The following SUSD4 variants were observed in gnomAD, a reference collection of about 807,000 sequenced individuals.
SUSD4 encodes the protein sushi domain containing 4.
A neutral mutation model predicts 50.5 loss-of-function variants in SUSD4; 41 were observed. The observed-to-expected ratio is 0.81, with a 90% CI of 0.63 to 1.05. The LOEUF is 1.05. Among genes scored for constraint, SUSD4 ranks in the 50% least tolerant of loss-of-function variants. SUSD4 has a pLI of 0.00. For missense variants in SUSD4, 580 were observed against 634.7 expected (o/e 0.91, Z 0.93); for synonymous variants, 257 against 257.3 (o/e 1.00, Z 0.01).
At chr1:223,270,051 G>C (rs958371752) in intron 3 of SUSD4, among the ~76,000 whole-genome samples, 2 of 152,112 alleles carry the variant, frequency 1.3e-5, no homozygotes, top group Non-Finnish European at 2.9e-5. Flanking sequence ...GGTTTACTGG[G>C]AGAAATGGGA....
At chr1:223,287,580 T>C (rs1458290934) in intron 3 of SUSD4, among the ~76,000 whole-genome samples, 1 of 152,142 alleles carries the variant, frequency 6.6e-6, no homozygotes. Flanking sequence ...GACCTTATGC[T>C]GGGATTAAGA....
intron 2 of SUSD4, among the ~76,000 whole-genome samples, chr1:223,335,278 G>A (rs1667397073): frequency 6.6e-6 from 1 of 152,102 alleles, no homozygotes; most frequent in African/African-American, 2.4e-5. Flanking sequence ...TCTACTTTTA[G>A]TTCTTTAAGG....
chr1:223,248,820 G>T (rs1392230059), intron 5 of SUSD4, among the ~76,000 whole-genome samples: 1 of 152,002 alleles, frequency 6.6e-6, no homozygotes, highest in Non-Finnish European at 1.5e-5. Flanking sequence ...AATACAAAAT[G>T]CATGTGATGA....
intron 2 of SUSD4, among the ~76,000 whole-genome samples, chr1:223,341,294 C>A (rs1667741706): frequency 6.6e-6 from 1 of 152,202 alleles, no homozygotes. Flanking sequence ...CTGCAATTAG[C>A]AAGCTGGATC....
intron 5 of SUSD4, 131 bp downstream of exon 5, chr1:223,264,499 G>T: frequency 1.4e-6 from 2 of 1,437,174 alleles, no homozygotes; most frequent in Non-Finnish European, 1.8e-6. Flanking sequence ...CTGCTCTGGA[G>T]AAAAGTGAGA....
At chr1:223,268,428 A>G (rs1189536974) in intron 4 of SUSD4, 74 bp downstream of exon 4, 1 of 1,501,458 alleles carries the variant, frequency 6.7e-7, no homozygotes, top group East Asian at 2.4e-5. Flanking sequence ...TTTATTAGAT[A>G]AACATGTACA....
intron 2 of SUSD4, among the ~76,000 whole-genome samples, chr1:223,307,365 G>A (rs1000028553): frequency 6.6e-6 from 1 of 152,126 alleles, no homozygotes; most frequent in Non-Finnish European, 1.5e-5. Flanking sequence ...TTTACAATGC[G>A]TTTTACATAT....
chr1:223,339,364 G>GA (rs1399540550), intron 2 of SUSD4, among the ~76,000 whole-genome samples: 2 of 152,150 alleles, frequency 1.3e-5, no homozygotes, highest in Non-Finnish European at 1.5e-5. Flanking sequence ...GTGGAGGGAG[G>GA]AAAATGTCAG....
rs549074203 is a variant in SUSD4, at chr1:223,229,146, G to C, written c.916+51C>G. The C allele has an allele frequency of 1.4e-5, 21 of 1,532,712 alleles. No individual in the cohort carries two copies. The African/African-American group carries it at 2.2e-4, about 16-fold the overall frequency. 94.9% of individuals were successfully genotyped at this position (1,532,712 alleles called of 1,614,324 possible). A position where few individuals can be genotyped will look rare whatever the true frequency, so the allele number is the denominator to read the frequency against. ...ACATAACCACCACCCACTATGTGCA[G>C]ATGGTCCAAGGAGGGTCCATCTCCT... On this transcript the variant is annotated intron_variant, in intron 6 of 8. Coordinates refer to ENST00000366878, the MANE Select transcript of SUSD4 (RefSeq NM_017982.4). This position sits in a 1 kb window ranked among gnomAD's most constrained non-coding sequence, Gnocchi z 4.7.
chr1:223,345,911 C>T (rs1315024910), intron 2 of SUSD4, among the ~76,000 whole-genome samples: 1 of 152,148 alleles, frequency 6.6e-6, no homozygotes, highest in Admixed American at 6.5e-5. Flanking sequence ...GTACCTCCTC[C>T]GGGCCTTCAG....
At chr1:223,249,386 T>C (rs1186571168) in intron 5 of SUSD4, among the ~76,000 whole-genome samples, 1 of 152,242 alleles carries the variant, frequency 6.6e-6, no homozygotes, top group Non-Finnish European at 1.5e-5. Context: ...TAAATGTTGC[T>C]AGTGTATCCA....
At position 223,221,000 on chromosome 1, in the gene SUSD4, A is replaced by G. The variant is rs771141202; in HGVS notation, c.*1192T>C. On this transcript the variant is annotated 3_prime_UTR_variant, in exon 9 of 9. Transcript: ENST00000366878. Reference sequence around the variant, plus strand: ...AACTCCACAGATCAACATGTATTTGAAGAGACACTTCAGGACACTTTGGGA... The same window carrying G: ...AACTCCACAGATCAACATGTATTTGGAGAGACACTTCAGGACACTTTGGGA... 2.5e-6 allele frequency: 1 copy of G among 400,712 alleles called. No homozygotes were observed. Among genetic ancestry groups the G allele is most frequent in the African/African-American group, 2.1e-5 (1 of 48,712 alleles). 24.8% of individuals were successfully genotyped at this position (400,712 alleles called of 1,614,324 possible). A position where few individuals can be genotyped will look rare whatever the true frequency, so the allele number is the denominator to read the frequency against.
rs1022293517 is a variant in SUSD4 at position 223,229,080 on chromosome 1, T to C, written c.916+117A>G. Reference sequence around the variant, plus strand: ...CCCGCAATGATATGTTTCGATATCCTGTTCCTGACACTGGGTGGGGGAGGA... The same window carrying C: ...CCCGCAATGATATGTTTCGATATCCCGTTCCTGACACTGGGTGGGGGAGGA... On this transcript the variant is annotated intron_variant, in intron 6 of 8. Coordinates refer to ENST00000366878, the MANE Select transcript of SUSD4 (RefSeq NM_017982.4). The surrounding 1 kb of genome is among the most constrained non-coding windows in gnomAD (Gnocchi z 4.7). 3 of 1,075,918 alleles carry C rather than the reference T, an allele frequency of 2.8e-6. No individual in the cohort carries two copies. The highest frequency in any genetic ancestry group is 4.0e-6 in the Non-Finnish European group (3 of 749,108). 66.6% of individuals were successfully genotyped at this position (1,075,918 alleles called of 1,614,324 possible). A position where few individuals can be genotyped will look rare whatever the true frequency, so the allele number is the denominator to read the frequency against.
chr1:223,263,807 T>C lies in SUSD4; in HGVS notation c.724+823A>G, dbSNP rs925636339. Reference sequence around the variant, plus strand: ...TGTAAGAACTCATTTGTTTCCATATTCCATTGTTTTGCTTTGTTTCCCAAA... The same window carrying C: ...TGTAAGAACTCATTTGTTTCCATATCCCATTGTTTTGCTTTGTTTCCCAAA... On this transcript the variant is annotated intron_variant, in intron 5 of 8. Transcript: ENST00000366878. 8 of 985,342 alleles carry C rather than the reference T, an allele frequency of 8.1e-6. No homozygotes were observed. In the African/African-American group the frequency reaches 1.4e-4, roughly 17 times the overall value. The allele number at this position is 985,342 out of a possible 1,614,324, so 61.0% of individuals were successfully genotyped here.
intron 3 of SUSD4, among the ~76,000 whole-genome samples, chr1:223,283,368 A>G (rs1394346775): frequency 6.6e-6 from 1 of 152,132 alleles, no homozygotes; most frequent in African/African-American, 2.4e-5. Context: ...CTACAAATAA[A>G]TGAAACAAAT....
In SUSD4 at chr1:223,229,188, C is replaced by T. The variant is rs1356725635; in HGVS notation, c.916+9G>A. On this transcript the variant is annotated intron_variant, in intron 6 of 8. Transcript: ENST00000366878. The surrounding 1 kb of genome is among the most constrained non-coding windows in gnomAD (Gnocchi z 4.7). Reference sequence around the variant, plus strand: ...CCATCTCCTCCAAGGGTGAGGCCTTCAGTCTTACCTGATTTGATGCAGTAG... The same window carrying T: ...CCATCTCCTCCAAGGGTGAGGCCTTTAGTCTTACCTGATTTGATGCAGTAG... The T allele has an allele frequency of 3.8e-6, 6 of 1,589,454 alleles. No individual in the cohort carries two copies. The highest frequency in any genetic ancestry group is 5.2e-6 in the Non-Finnish European group (6 of 1,159,870).
chr1:223,293,222 AC>A (rs1664609890), intron 2 of SUSD4, among the ~76,000 whole-genome samples: 1 of 151,606 alleles, frequency 6.6e-6, no homozygotes, highest in African/African-American at 2.4e-5. Context: ...TCCTCCTCTT[AC>A]CCCTACCCCT....
chr1:223,276,902 C>T (rs938202279), intron 3 of SUSD4, among the ~76,000 whole-genome samples: 3 of 138,666 alleles, frequency 2.2e-5, no homozygotes, highest in East Asian at 2.0e-4. Flanking sequence ...AGAGAATGCA[C>T]ATGAGAAAAA....
chr1:223,360,485 C>A (rs1053974211), intron 2 of SUSD4, among the ~76,000 whole-genome samples: 2 of 152,320 alleles, frequency 1.3e-5, no homozygotes, highest in Admixed American at 1.3e-4. Flanking sequence ...GAGAGAGCCA[C>A]CCAAACATCA....
Sources: allele counts gnomAD v4.1 joint callset (sites outside exome capture counted in the v4.1 genomes callset), GRCh38; gene constraint gnomAD v4.1.1; non-coding constraint Gnocchi (gnomAD v3.1); transcripts MANE v1.5; gene names NCBI Gene and HGNC (gene_info 2026-07-23, HGNC 2026-07-21).